The following WDPCP variants were observed in gnomAD, a reference collection of about 807,000 sequenced individuals.
The protein encoded by WDPCP is WD repeat-containing and planar cell polarity effector protein fritz homolog.
A neutral mutation model predicts 93.1 loss-of-function variants in WDPCP; 71 were observed. That is an observed-to-expected ratio of 0.76 (90% CI 0.63 to 0.93). The LOEUF is 0.93. Ranked by LOEUF, WDPCP falls within the 40% of genes least tolerant of loss-of-function variation. The probability of loss-of-function intolerance (pLI) is 0.00; values close to 1 mark genes in which losing one functional copy is unlikely to be tolerated. For missense variants in WDPCP, 844 were observed against 887.4 expected (o/e 0.95, Z 0.62); for synonymous variants, 315 against 315.0 (o/e 1.00, Z 0.00).
intron 10 of WDPCP, chr2:63,403,797 A>C: frequency 2.1e-6 from 1 of 475,596 alleles, no homozygotes; most frequent in Non-Finnish European, 3.8e-6. Flanking sequence ...GAGCGTATCA[A>C]ATGTAAAAAT....
At chr2:63,306,778 C>G (rs1420755593) in intron 13 of WDPCP, among the ~76,000 whole-genome samples, 2 of 152,138 alleles carry the variant, frequency 1.3e-5, no homozygotes, top group African/African-American at 2.4e-5. Context: ...AACCCACAGC[C>G]AGTATCATAC....
At chr2:63,257,042 T>C (rs1392845331) in intron 14 of WDPCP, among the ~76,000 whole-genome samples, 1 of 152,186 alleles carries the variant, frequency 6.6e-6, no homozygotes, top group Non-Finnish European at 1.5e-5. Context: ...GCTTATGTTT[T>C]GTGCACTTTT....
chr2:63,353,057 G>A (rs954801790), intron 12 of WDPCP, among the ~76,000 whole-genome samples: 5 of 152,110 alleles, frequency 3.3e-5, no homozygotes, highest in South Asian at 2.1e-4. Flanking sequence ...ACAACAGGAC[G>A]ATGGCCCACC....
chr2:63,533,595 T>C (rs1447333579), intron 1 of WDPCP, among the ~76,000 whole-genome samples: 1 of 152,140 alleles, frequency 6.6e-6, no homozygotes. Flanking sequence ...CTGAACAACC[T>C]GCTCCTAAAT....
intron 1 of WDPCP, among the ~76,000 whole-genome samples, chr2:63,820,850 AAAC>A (rs1671007789): frequency 6.6e-6 from 1 of 152,188 alleles, no homozygotes; most frequent in Non-Finnish European, 1.5e-5. Context: ...AAAGTAAAAA[AAAC>A]AACAAACAAA....
intron 12 of WDPCP, among the ~76,000 whole-genome samples, chr2:63,355,488 T>C (rs1295940072): frequency 6.6e-6 from 1 of 152,150 alleles, no homozygotes; most frequent in African/African-American, 2.4e-5. Context: ...TACCAGCTAA[T>C]ATAAAAACAC....
Position 63,425,891 on chromosome 2 carries a change from T to A in WDPCP, c.825+7854A>T, listed in dbSNP as rs58612274. Among the ~76,000 whole-genome samples the A allele has an allele frequency of 7.7e-3, 1,171 of 152,266 alleles. 22 individuals are homozygous for A. Among genetic ancestry groups the A allele is most frequent in the African/African-American group, 0.027 (1,108 of 41,540 alleles). ...AATACAGAGAACCCATGCAAGATAC[T>A]ATAAAAGACAACCATCCCCAAGGCA... On this transcript the variant is annotated intron_variant, in intron 9 of 17. Coordinates refer to ENST00000272321, the MANE Select transcript of WDPCP (RefSeq NM_015910.7).
chr2:63,425,847 C>T (rs1426602154), intron 9 of WDPCP, among the ~76,000 whole-genome samples: 2 of 152,162 alleles, frequency 1.3e-5, no homozygotes, highest in Non-Finnish European at 2.9e-5. Context: ...CCTAGAGAGA[C>T]TGATATGCAA....
At chr2:63,239,737 C>T (rs1254321058) in intron 14 of WDPCP, among the ~76,000 whole-genome samples, 1 of 152,062 alleles carries the variant, frequency 6.6e-6, no homozygotes, top group Non-Finnish European at 1.5e-5. Flanking sequence ...TCTATAATAG[C>T]TCCTCTGCTT....
intron 17 of WDPCP, among the ~76,000 whole-genome samples, chr2:63,147,417 G>A (rs1314922697): frequency 1.3e-5 from 2 of 152,150 alleles, no homozygotes; most frequent in Admixed American, 6.6e-5. Flanking sequence ...AATTTGATTG[G>A]TTGGATTAAT....
intron 1 of WDPCP, among the ~76,000 whole-genome samples, chr2:63,575,989 TTAAG>T (rs1317025196): frequency 6.6e-6 from 1 of 152,140 alleles, no homozygotes; most frequent in East Asian, 1.9e-4. Flanking sequence ...AGGCACACAG[TTAAG>T]TAATTTTATT....
intron 2 of WDPCP, among the ~76,000 whole-genome samples, chr2:63,701,968 T>C (rs916808789): frequency 1.6e-4 from 24 of 152,314 alleles, no homozygotes; most frequent in African/African-American, 5.5e-4. Flanking sequence ...ACAATATCTA[T>C]TGTATATTTC....
intron 2 of WDPCP, among the ~76,000 whole-genome samples, chr2:63,775,218 G>A (rs1670284560): frequency 6.6e-6 from 1 of 152,156 alleles, no homozygotes; most frequent in Non-Finnish European, 1.5e-5. Context: ...CTTTCTTATA[G>A]TCCAGATAGT....
At chr2:63,793,488 G>A (rs539962568) in intron 2 of WDPCP, among the ~76,000 whole-genome samples, 16 of 152,202 alleles carry the variant, frequency 1.1e-4, no homozygotes, top group South Asian at 4.2e-4. Flanking sequence ...GCCCATACCC[G>A]TAATCCCAAC....
intron 3 of WDPCP, among the ~76,000 whole-genome samples, chr2:63,629,784 G>T (rs950455139): frequency 6.6e-6 from 1 of 152,186 alleles, no homozygotes; most frequent in East Asian, 1.9e-4. Context: ...AAGCGGTGGT[G>T]CCCCCACCCT....
intron 2 of WDPCP, among the ~76,000 whole-genome samples, chr2:63,808,309 C>A (rs1055018637): frequency 1.5e-5 from 2 of 136,808 alleles, no homozygotes; most frequent in African/African-American, 5.1e-5. Flanking sequence ...TCTCCCTCTC[C>A]CCTCTCCCTC....
chr2:63,715,525 C>A (rs1021512602), intron 2 of WDPCP, among the ~76,000 whole-genome samples: 3 of 152,184 alleles, frequency 2.0e-5, no homozygotes, highest in South Asian at 2.1e-4. Context: ...AGAAACAATA[C>A]CCAGTCCTCA....
chr2:63,630,447 T>C (rs185394329), intron 3 of WDPCP, among the ~76,000 whole-genome samples: 687 of 152,062 alleles, frequency 4.5e-3, no homozygotes, highest in Non-Finnish European at 6.7e-3. Flanking sequence ...AAAAAAGATA[T>C]CATGCAAACA....
intron 3 of WDPCP, chr2:63,594,671 T>C: frequency 1.1e-6 from 1 of 949,804 alleles, no homozygotes; most frequent in Non-Finnish European, 1.6e-6. Context: ...CACAAATTGT[T>C]AAACAGTGAA....
Sources: allele counts gnomAD v4.1 joint callset (sites outside exome capture counted in the v4.1 genomes callset), GRCh38; gene constraint gnomAD v4.1.1; transcripts MANE v1.5; gene names NCBI Gene and HGNC (gene_info 2026-07-23, HGNC 2026-07-21).